The following GRM8 variants were observed in gnomAD, a reference collection of about 807,000 sequenced individuals.
GRM8 encodes glutamate metabotropic receptor 8, also known as metabotropic glutamate receptor 8.
Under a neutral mutation model 87.2 loss-of-function variants are expected in GRM8, and 47 were observed. That is an observed-to-expected ratio of 0.54 (90% confidence interval 0.43 to 0.69). The LOEUF (loss-of-function observed/expected upper bound fraction) is 0.69, where lower values mean the gene tolerates loss of function less well. Ranked by LOEUF, GRM8 falls within the 30% of genes least tolerant of loss-of-function variation. The pLI, the probability that GRM8 is intolerant of heterozygous loss-of-function variation, is 0.00. For missense variants in GRM8, 1,019 were observed against 1,139.2 expected, an observed-to-expected ratio of 0.89 and a Z score of 1.52; for synonymous variants, 396 against 404.5, an observed-to-expected ratio of 0.98 and a Z score of 0.25.
At chr7:127,081,099 C>T (rs953182770) in intron 3 of GRM8, among the ~76,000 whole-genome samples, 35 of 152,248 alleles carry the variant, frequency 2.3e-4, no homozygotes, top group Non-Finnish European at 4.7e-4. Context: ...AAATGAGATT[C>T]TAATTAGAGA....
At chr7:127,044,355 T>C in intron 3 of GRM8, among the ~76,000 whole-genome samples, 1 of 152,260 alleles carries the variant, frequency 6.6e-6, no homozygotes, top group South Asian at 2.1e-4. Flanking sequence ...GGAAGATCAA[T>C]CTGGGTGGCT....
intron 6 of GRM8, among the ~76,000 whole-genome samples, chr7:126,844,904 G>A (rs1295843472): frequency 6.6e-6 from 1 of 152,158 alleles, no homozygotes; most frequent in African/African-American, 2.4e-5. Flanking sequence ...TAGTCACATT[G>A]GAGGTTAGGG....
chr7:126,440,064 T>C (rs1801281145), intron 10 of GRM8, among the ~76,000 whole-genome samples: 1 of 151,760 alleles, frequency 6.6e-6, no homozygotes, highest in Non-Finnish European at 1.5e-5. Flanking sequence ...ATAGTATATA[T>C]TGAAAAAGGA....
intron 7 of GRM8, among the ~76,000 whole-genome samples, chr7:126,711,352 A>T (rs749455941): frequency 1.2e-4 from 19 of 152,200 alleles, no homozygotes; most frequent in Non-Finnish European, 2.1e-4. Context: ...ATGAGCATTA[A>T]TGTTTTGAAA....
intron 2 of GRM8, among the ~76,000 whole-genome samples, chr7:127,115,657 T>A (rs1344704522): frequency 6.6e-6 from 1 of 150,736 alleles, no homozygotes; most frequent in East Asian, 1.9e-4. Context: ...TAATAAACCT[T>A]TTTTTTTTAC....
intron 3 of GRM8, among the ~76,000 whole-genome samples, chr7:126,994,044 C>T (rs531875898): frequency 3.2e-4 from 49 of 151,872 alleles, no homozygotes; most frequent in African/African-American, 1.1e-3. Context: ...CTCCCACAAC[C>T]ACAGGCAGGA....
At chr7:126,651,939 C>T (rs973802133) in intron 7 of GRM8, among the ~76,000 whole-genome samples, 2 of 152,120 alleles carry the variant, frequency 1.3e-5, no homozygotes, top group Admixed American at 1.3e-4. Context: ...GTGACTCCAC[C>T]AGGAAAAAAC....
At chr7:126,488,701 T>C (rs1417748153) in intron 9 of GRM8, among the ~76,000 whole-genome samples, 3 of 152,016 alleles carry the variant, frequency 2.0e-5, no homozygotes, top group Non-Finnish European at 4.4e-5. Flanking sequence ...TTATATACTA[T>C]TTATGATTTT....
At chr7:126,768,954 T>C (rs1269435181) in intron 7 of GRM8, among the ~76,000 whole-genome samples, 1 of 102,162 alleles carries the variant, frequency 9.8e-6, no homozygotes, top group African/African-American at 3.8e-5. Flanking sequence ...AAGAAGAAGT[T>C]TCCACTTGAA....
At chr7:127,124,821 G>T (rs868074079) in intron 2 of GRM8, among the ~76,000 whole-genome samples, 1 of 152,040 alleles carries the variant, frequency 6.6e-6, no homozygotes. Flanking sequence ...AACCTTAGGA[G>T]TATATAAAAA....
chr7:126,635,121 C>T (rs2151186002), intron 7 of GRM8, among the ~76,000 whole-genome samples: 1 of 152,218 alleles, frequency 6.6e-6, no homozygotes, highest in Middle Eastern at 3.4e-3. Flanking sequence ...TTGTTAGTCT[C>T]CCTCCCTCAG....
intron 3 of GRM8, among the ~76,000 whole-genome samples, chr7:126,940,903 G>A (rs1333321402): frequency 6.6e-6 from 1 of 152,098 alleles, no homozygotes; most frequent in South Asian, 2.1e-4. Context: ...TGACATTGTC[G>A]AAAAAGGGAC....
intron 3 of GRM8, among the ~76,000 whole-genome samples, chr7:126,971,215 G>T (rs1272111380): frequency 1.4e-5 from 2 of 146,882 alleles, no homozygotes; most frequent in Non-Finnish European, 3.0e-5. Flanking sequence ...AAAGTGAGGT[G>T]AGCCTGTACA....
chr7:126,640,797 T>C (rs1372047245), intron 7 of GRM8, among the ~76,000 whole-genome samples: 2 of 152,124 alleles, frequency 1.3e-5, no homozygotes, highest in African/African-American at 4.8e-5. Context: ...CTGATTTCAC[T>C]TTCTTTATTT....
intron 7 of GRM8, among the ~76,000 whole-genome samples, chr7:126,730,859 T>C (rs2151481526): frequency 6.6e-6 from 1 of 152,290 alleles, no homozygotes; most frequent in South Asian, 2.1e-4. Context: ...ATTTACTATC[T>C]ACATTTAGGG....
At chr7:126,498,462 C>T (rs1211279190) in intron 9 of GRM8, among the ~76,000 whole-genome samples, 1 of 151,904 alleles carries the variant, frequency 6.6e-6, no homozygotes, top group Admixed American at 6.6e-5. Flanking sequence ...TGCAAGAGTA[C>T]CTGGTTTCCA....
At chr7:127,101,308 A>G (rs952223748) in intron 3 of GRM8, among the ~76,000 whole-genome samples, 9 of 152,098 alleles carry the variant, frequency 5.9e-5, no homozygotes, top group Non-Finnish European at 7.4e-5. Context: ...ACAACCTTAA[A>G]TATACATTCT....
intron 6 of GRM8, among the ~76,000 whole-genome samples, chr7:126,882,063 C>T (rs1800074529): frequency 6.6e-6 from 1 of 152,198 alleles, no homozygotes; most frequent in South Asian, 2.1e-4. Flanking sequence ...TTATCTTACA[C>T]TAGTGACTTG....
intron 6 of GRM8, among the ~76,000 whole-genome samples, chr7:126,785,555 A>T (rs572776904): frequency 6.6e-6 from 1 of 152,224 alleles, no homozygotes; most frequent in East Asian, 1.9e-4. Flanking sequence ...GGATGTAGGC[A>T]AATGTACAGT....
Sources: gnomAD v4.1 joint callset for allele counts (sites outside exome capture counted in the v4.1 genomes callset) on GRCh38, gnomAD v4.1.1 for gene constraint, MANE v1.5 for transcripts, NCBI Gene and HGNC (gene_info 2026-07-23, HGNC 2026-07-21) for gene names.